Variants in MOCOS observed in about 807,000 individuals in gnomAD.
MOCOS encodes molybdenum cofactor sulfurase, also known as human molybdenum cofactor sulfurase.
Under a neutral mutation model 83.6 loss-of-function variants are expected in MOCOS, and 86 were observed. The ratio of observed to expected loss-of-function variants is 1.03; its 90% CI spans 0.86 to 1.23. The LOEUF (loss-of-function observed/expected upper bound fraction) is 1.23, where lower values mean the gene tolerates loss of function less well. Ranked by LOEUF, MOCOS falls within the 50% of genes most tolerant of loss-of-function variation. MOCOS has a pLI of 0.00. For synonymous variants in MOCOS, 445 were observed against 434.7 expected (o/e 1.02, Z -0.29); for missense variants, 1,120 against 1,126.9 (o/e 0.99, Z 0.09).
intron 6 of MOCOS, among the ~76,000 whole-genome samples, chr18:36,209,408 A>C (rs1461354980): frequency 1.3e-5 from 2 of 151,284 alleles, no homozygotes; most frequent in Admixed American, 6.6e-5. Flanking sequence ...TTCTTTGGTG[A>C]TGGTTTCTGA....
At chr18:36,236,720 G>A (rs970923883) in intron 9 of MOCOS, among the ~76,000 whole-genome samples, 2 of 141,778 alleles carry the variant, frequency 1.4e-5, no homozygotes, top group Non-Finnish European at 3.1e-5. Context: ...AATTACCTTG[G>A]GCAGTATGGC....
At position 36,200,137 on chromosome 18, in the gene MOCOS, G is replaced by C. The variant is rs774294736; in HGVS notation, c.754G>C (p.Ala252Pro). ...GAGCACCTCGCCTTTGGACCTGTCAGCTCACCAGGCCGACTTTGTCCCCAT... is the reference window on the plus strand; with the variant it reads ...GAGCACCTCGCCTTTGGACCTGTCACCTCACCAGGCCGACTTTGTCCCCAT... ...YVSTSPLDLS[A>P]HQADFVPISF... The change falls in exon 4 of 15, where the codon GCT becomes CCT. Residue 252 changes from alanine (A) to proline (P), a missense_variant. By Grantham distance (27) the Ala-to-Pro change is conservative. Coordinates refer to ENST00000261326, the MANE Select transcript of MOCOS (RefSeq NM_017947.4). 1.2e-6 allele frequency: 2 copies of C among 1,614,102 alleles called. No homozygotes were observed. Among genetic ancestry groups the C allele is most frequent in the Non-Finnish European group, 1.7e-6 (2 of 1,180,048 alleles).
In MOCOS at chr18:36,211,643, T is replaced by C. The variant is rs531743394; in HGVS notation, c.1219-1723T>C. Among the ~76,000 whole-genome samples, 87 of 152,012 alleles carry C rather than the reference T, an allele frequency of 5.7e-4. No homozygotes were observed. In the South Asian group the frequency reaches 0.017, roughly 31 times the overall value. On this transcript the variant is annotated intron_variant, in intron 6 of 14. Coordinates refer to ENST00000261326, the MANE Select transcript of MOCOS (RefSeq NM_017947.4). ...ACCTCCTTCACCTGGCTGGGCACAGTCTGGGCCTGTGTGGGATTCCCCAGG... is the reference window on the plus strand; with the variant it reads ...ACCTCCTTCACCTGGCTGGGCACAGCCTGGGCCTGTGTGGGATTCCCCAGG...
At chr18:36,265,295 T>A (rs976380995) in intron 13 of MOCOS, among the ~76,000 whole-genome samples, 2 of 152,230 alleles carry the variant, frequency 1.3e-5, no homozygotes, top group Non-Finnish European at 2.9e-5. Context: ...TGGGATTATT[T>A]TAGAAAGTCC....
At chr18:36,234,375 T>C (rs545644278) in intron 9 of MOCOS, among the ~76,000 whole-genome samples, 1 of 152,346 alleles carries the variant, frequency 6.6e-6, no homozygotes, top group Admixed American at 6.5e-5. Context: ...CTTTATTCTG[T>C]TCCATTGGTC....
intron 9 of MOCOS, among the ~76,000 whole-genome samples, chr18:36,232,855 T>TACACACAC (rs71168208): frequency 0.038 from 5,677 of 147,852 alleles, 144 homozygotes; most frequent in Non-Finnish European, 0.053. Flanking sequence ...AATATTCCAT[T>TACACACAC]ACACACACAC....
chr18:36,231,320 A>T (rs2091536881), intron 9 of MOCOS, among the ~76,000 whole-genome samples: 1 of 152,180 alleles, frequency 6.6e-6, no homozygotes, highest in South Asian at 2.1e-4. Flanking sequence ...TGGTTTGCTA[A>T]TATTTTAGTG....
chr18:36,200,586 C>T (rs1182394213), intron 4 of MOCOS, among the ~76,000 whole-genome samples: 1 of 152,128 alleles, frequency 6.6e-6, no homozygotes, highest in Non-Finnish European at 1.5e-5. Flanking sequence ...ATAAGAACTG[C>T]ACACAGGAGA....
At position 36,220,048 on chromosome 18, in the gene MOCOS, T is replaced by C. The variant is rs1341663581; in HGVS notation, c.1798-7T>C. The stretch of plus-strand genomic sequence containing the variant: ...CTGGCCTGAGACACGTCTACCTTTT[T>C]GTTTAGGTGACCAGGTGGCCTGTAG... On this transcript the variant is annotated splice_polypyrimidine_tract_variant and splice_region_variant and intron_variant, in intron 8 of 14. Transcript: ENST00000261326. 14 of 1,612,520 alleles carry C rather than the reference T, an allele frequency of 8.7e-6. No individual in the cohort carries two copies. Among genetic ancestry groups the C allele is most frequent in the African/African-American group, 1.3e-5 (1 of 74,868 alleles).
chr18:36,250,134 C>T (rs1161646246), intron 10 of MOCOS, among the ~76,000 whole-genome samples: 1 of 152,112 alleles, frequency 6.6e-6, no homozygotes, highest in South Asian at 2.1e-4. Flanking sequence ...CAACCAATTC[C>T]CCTTTCACCC....
chr18:36,249,570 A>G (rs1467300424), intron 10 of MOCOS, among the ~76,000 whole-genome samples: 2 of 152,072 alleles, frequency 1.3e-5, no homozygotes, highest in Non-Finnish European at 2.9e-5. Flanking sequence ...AGGAGGCCTC[A>G]TAGGGAGGGA....
At chr18:36,215,446 T>C (rs2091472093) in intron 7 of MOCOS, 70 bp from the exon 8 acceptor site, 6 of 1,428,898 alleles carry the variant, frequency 4.2e-6, no homozygotes, top group South Asian at 1.2e-5. Flanking sequence ...AAATTTATTT[T>C]GCCGAACTGT....
intron 9 of MOCOS, among the ~76,000 whole-genome samples, chr18:36,234,842 CA>C (rs1261977913): frequency 6.6e-6 from 1 of 152,260 alleles, no homozygotes; most frequent in East Asian, 1.9e-4. Flanking sequence ...ACCTTCTTCA[CA>C]TGGTGGCAAG....
At chr18:36,231,493 A>C (rs1272392912) in intron 9 of MOCOS, among the ~76,000 whole-genome samples, 1 of 152,248 alleles carries the variant, frequency 6.6e-6, no homozygotes, top group Non-Finnish European at 1.5e-5. Context: ...TGATGTGTAT[A>C]ACATAGAAAA....
chr18:36,187,973 C>G (rs920193675), intron 1 of MOCOS, among the ~76,000 whole-genome samples: 22 of 152,248 alleles, frequency 1.4e-4, no homozygotes, highest in Admixed American at 1.1e-3. Context: ...TTCTTGCCCT[C>G]TCTTGCGGGA....
intron 9 of MOCOS, among the ~76,000 whole-genome samples, chr18:36,238,112 G>T (rs1271680408): frequency 1.4e-5 from 2 of 145,932 alleles, no homozygotes; most frequent in East Asian, 4.0e-4. Context: ...TTTTTGAAGG[G>T]TTTTTTGTGT....
At chr18:36,205,567 C>G (rs1162754476) in intron 6 of MOCOS, among the ~76,000 whole-genome samples, 1 of 152,106 alleles carries the variant, frequency 6.6e-6, no homozygotes, top group African/African-American at 2.4e-5. Context: ...CTAAAATGTC[C>G]AGAGTTGCAC....
intron 9 of MOCOS, among the ~76,000 whole-genome samples, chr18:36,242,236 C>T (rs929307555): frequency 2.6e-5 from 4 of 152,190 alleles, no homozygotes; most frequent in African/African-American, 9.7e-5. Context: ...GTTGAAAGTT[C>T]CACAGATCTC....
intron 13 of MOCOS, 37 bp downstream of exon 13, chr18:36,260,212 G>A (rs761115416): frequency 6.2e-7 from 1 of 1,613,706 alleles, no homozygotes; most frequent in South Asian, 1.1e-5. Context: ...TTCCTCCAGG[G>A]TTGTCAATGA....
Sources: gnomAD v4.1 joint callset for allele counts (sites outside exome capture counted in the v4.1 genomes callset) on GRCh38, gnomAD v4.1.1 for gene constraint, MANE v1.5 for transcripts, NCBI Gene and HGNC (gene_info 2026-07-23, HGNC 2026-07-21) for gene names.